The following SNTG1 variants were observed in gnomAD, a reference collection of about 807,000 sequenced individuals.
SNTG1 encodes syntrophin gamma 1.
In SNTG1, 39 loss-of-function variants were observed where a neutral mutation model predicts 74.7. That is an observed-to-expected ratio of 0.52 (90% CI 0.40 to 0.68). The LOEUF is 0.68. Ranked by LOEUF, SNTG1 falls within the 30% of genes least tolerant of loss-of-function variation. SNTG1 has a pLI of 0.00. For synonymous variants in SNTG1, 254 were observed against 217.1 expected (o/e 1.17, Z -1.49); for missense variants, 685 against 609.5 (o/e 1.12, Z -1.30).
rs533020114 is a variant in SNTG1, at chr8:50,550,601, T to C, written c.681-2449T>C. On this transcript the variant is annotated intron_variant, in intron 11 of 18. Transcript: ENST00000642720. ...TGCCAGAGCAGTTACCAAGAATCTT[T>C]AGAAAGCTGTATAAGTGCAGAGTGG... Among the ~76,000 whole-genome samples, 9 of 152,168 alleles carry C rather than the reference T, an allele frequency of 5.9e-5. No individual in the cohort carries two copies. In the South Asian group the frequency reaches 1.7e-3, roughly 28 times the overall value.
intron 13 of SNTG1, among the ~76,000 whole-genome samples, chr8:50,603,452 G>A (rs941449473): frequency 2.6e-5 from 4 of 152,138 alleles, no homozygotes; most frequent in Non-Finnish European, 5.9e-5. Context: ...CTTCAAACCA[G>A]CTACTTTGAA....
chr8:50,598,459 A>G (rs1416811665), intron 13 of SNTG1, among the ~76,000 whole-genome samples: 2 of 151,936 alleles, frequency 1.3e-5, no homozygotes, highest in South Asian at 4.1e-4. Context: ...TTATGCCAGA[A>G]CCATACATTT....
At chr8:50,705,196 A>G (rs368032092) in intron 16 of SNTG1, among the ~76,000 whole-genome samples, 20 of 152,306 alleles carry the variant, frequency 1.3e-4, no homozygotes, top group African/African-American at 4.8e-4. Context: ...ATCAAAGGTC[A>G]TATCATCCAG....
At chr8:50,095,446 G>A (rs1416522433) in intron 1 of SNTG1, among the ~76,000 whole-genome samples, 1 of 152,122 alleles carries the variant, frequency 6.6e-6, no homozygotes, top group Non-Finnish European at 1.5e-5. Flanking sequence ...AAGTCATTCT[G>A]GACAGTACTG....
At position 50,502,980 on chromosome 8, in the gene SNTG1, T is replaced by C. The variant is rs879036707; in HGVS notation, c.466+100T>C. ...GTGATTTCTTCTTAAAGTTGAGATT[T>C]TTGCCTGACTGTAAACATTTTTATA... On this transcript the variant is annotated intron_variant, in intron 9 of 18. Coordinates refer to ENST00000642720, the MANE Select transcript of SNTG1 (RefSeq NM_018967.5). 13 of 959,410 alleles carry C rather than the reference T, an allele frequency of 1.4e-5. No individual in the cohort carries two copies. In the South Asian group the frequency reaches 1.9e-4, roughly 14 times the overall value. 59.4% of individuals were successfully genotyped at this position (959,410 alleles called of 1,614,324 possible). A position where few individuals can be genotyped will look rare whatever the true frequency, so the allele number is the denominator to read the frequency against.
At chr8:49,943,682 TA>T (rs1808900500) in intron 1 of SNTG1, among the ~76,000 whole-genome samples, 1 of 152,270 alleles carries the variant, frequency 6.6e-6, no homozygotes, top group African/African-American at 2.4e-5. Flanking sequence ...CACATTAATA[TA>T]AAACTTATTT....
intron 1 of SNTG1, among the ~76,000 whole-genome samples, chr8:50,002,661 C>T (rs564399226): frequency 5.9e-5 from 9 of 152,088 alleles, no homozygotes; most frequent in Non-Finnish European, 8.8e-5. Flanking sequence ...CACATAACAC[C>T]TCCTCCAAAT....
intron 13 of SNTG1, among the ~76,000 whole-genome samples, chr8:50,600,805 TC>T (rs1274446033): frequency 6.6e-6 from 1 of 152,012 alleles, no homozygotes; most frequent in East Asian, 1.9e-4. Flanking sequence ...TCTGCTCTGA[TC>T]TTTATTCTAT....
chr8:50,317,722 G>A (rs1448677405), intron 2 of SNTG1, among the ~76,000 whole-genome samples: 1 of 152,186 alleles, frequency 6.6e-6, no homozygotes, highest in Non-Finnish European at 1.5e-5. Context: ...GTGTCCTTAT[G>A]ACATCGTTTG....
intron 12 of SNTG1, among the ~76,000 whole-genome samples, chr8:50,570,609 A>C (rs575006517): frequency 2.0e-3 from 266 of 135,748 alleles, no homozygotes; most frequent in Non-Finnish European, 2.7e-3. Flanking sequence ...TATTATTATT[A>C]TTATTATTAT....
chr8:50,092,705 A>AATTCTTGCAC (rs1367745941), intron 1 of SNTG1, among the ~76,000 whole-genome samples: 2 of 152,152 alleles, frequency 1.3e-5, no homozygotes, highest in African/African-American at 4.8e-5. Flanking sequence ...TCCCTAATAT[A>AATTCTTGCAC]ATTCTTGCAC....
intron 5 of SNTG1, among the ~76,000 whole-genome samples, chr8:50,449,434 T>C (rs1444770093): frequency 6.6e-6 from 1 of 152,222 alleles, no homozygotes; most frequent in African/African-American, 2.4e-5. Flanking sequence ...TCAATATTTG[T>C]TGATAAATGA....
At chr8:49,944,272 T>C (rs1040546324) in intron 1 of SNTG1, among the ~76,000 whole-genome samples, 1 of 152,132 alleles carries the variant, frequency 6.6e-6, no homozygotes, top group African/African-American at 2.4e-5. Flanking sequence ...TATAGAGCTC[T>C]GTAGGCTGTA....
In SNTG1 at chr8:50,751,989, T is replaced by TC. The variant is rs58465124; in HGVS notation, c.1285-6dup. The TC allele has an allele frequency of 7.7e-4, 1,135 of 1,483,358 alleles. 17 individuals carry two copies. In the African/African-American group the frequency reaches 0.012, roughly 15 times the overall value. The allele number at this position is 1,483,358 out of a possible 1,614,324, so 91.9% of individuals were successfully genotyped here. A position where few individuals can be genotyped will look rare whatever the true frequency, so the allele number is the denominator to read the frequency against. ...TTCCACCGACTTACATTGTTTTTTT[T>TC]CCCCCCTTTAGGCTGTCCTTTGGAG... On this transcript the variant is annotated splice_polypyrimidine_tract_variant and intron_variant, in intron 17 of 18. Transcript: ENST00000642720.
chr8:50,513,299 G>T (rs1464932711), intron 9 of SNTG1, among the ~76,000 whole-genome samples: 2 of 152,108 alleles, frequency 1.3e-5, no homozygotes, highest in East Asian at 3.9e-4. Flanking sequence ...AGGAGTACCT[G>T]GCCGTGTGAG....
intron 13 of SNTG1, among the ~76,000 whole-genome samples, chr8:50,626,402 T>A (rs1192634681): frequency 1.3e-5 from 2 of 151,966 alleles, no homozygotes; most frequent in African/African-American, 4.8e-5. Flanking sequence ...CCTAACCCAG[T>A]AGCACTAGAT....
intron 2 of SNTG1, among the ~76,000 whole-genome samples, chr8:50,202,794 T>C (rs1435269785): frequency 2.1e-5 from 3 of 143,174 alleles, no homozygotes; most frequent in African/African-American, 3.0e-5. Context: ...CTCTTTGTTT[T>C]GTTTTTTTTT....
intron 11 of SNTG1, among the ~76,000 whole-genome samples, chr8:50,538,296 T>G (rs1040200452): frequency 1.3e-5 from 2 of 152,154 alleles, no homozygotes; most frequent in Admixed American, 1.3e-4. Flanking sequence ...AATAAGATTT[T>G]AAAAACTCGT....
At chr8:50,207,010 T>C (rs1344767072) in intron 2 of SNTG1, among the ~76,000 whole-genome samples, 2 of 152,182 alleles carry the variant, frequency 1.3e-5, no homozygotes, top group African/African-American at 2.4e-5. Flanking sequence ...TCATCAGGGA[T>C]ATTGGTCTAA....
Sources: allele counts gnomAD v4.1 joint callset (sites outside exome capture counted in the v4.1 genomes callset), GRCh38; gene constraint gnomAD v4.1.1; transcripts MANE v1.5; gene names NCBI Gene and HGNC (gene_info 2026-07-23, HGNC 2026-07-21).